Variants in EMC4 observed in about 807,000 individuals in gnomAD.
EMC4 encodes ER membrane protein complex subunit 4.
EMC4 carries 9 observed loss-of-function variants against 24.2 expected under a neutral mutation model. That is an observed-to-expected ratio of 0.37 (90% CI 0.22 to 0.65). The LOEUF is 0.65. EMC4 is among the 30% of genes least tolerant of loss of function. The pLI, the probability that EMC4 is intolerant of heterozygous loss-of-function variation, is 0.59. For missense variants in EMC4, 169 were observed against 234.6 expected, an observed-to-expected ratio of 0.72 and a Z score of 1.83; for synonymous variants, 86 against 81.1, an observed-to-expected ratio of 1.06 and a Z score of -0.32.
rs375566364 is a variant in EMC4 at position 34,228,421 on chromosome 15, C to T, written c.356-8C>T. On this transcript the variant is annotated splice_region_variant and splice_polypyrimidine_tract_variant and intron_variant, in intron 3 of 4. Coordinates refer to ENST00000267750, the MANE Select transcript of EMC4 (RefSeq NM_016454.4). ...CTTTTGGTTTGACAACTTCTGTTAC[C>T]GCAACAGCTTTCAAGATGTTAGAAA... is the stretch of plus-strand genomic sequence containing the variant. 2.4e-5 allele frequency: 39 copies of T among 1,611,766 alleles called. No individual in the cohort carries two copies. The highest frequency in any genetic ancestry group is 5.1e-5 in the Admixed American group (3 of 59,372).
chr15:34,225,246 G>T (rs1890619122), intron 1 of EMC4, 46 bp downstream of exon 1: 4 of 1,448,866 alleles, frequency 2.8e-6, no homozygotes, highest in Non-Finnish European at 3.7e-6. Flanking sequence ...TCCCAGAACT[G>T]CACCAGAGTA....
chr15:34,225,129 G>T lies in EMC4; in HGVS notation c.15G>T (p.Gly5=). ...CAGCTGTTGCCATGACGGCCCAGGG[G>T]GGCCTGGTGGCTAACCGAGGCCGGC... MTAQ[G]GLVANRGRRF... Residue 5 remains glycine, a synonymous_variant, in exon 1 of 5, where the codon GGG becomes GGT. Coordinates refer to ENST00000267750, the MANE Select transcript of EMC4 (RefSeq NM_016454.4). The T allele has an allele frequency of 6.4e-7, 1 of 1,551,698 alleles. No homozygotes were observed. The highest frequency in any genetic ancestry group is 2.4e-5 in the East Asian group (1 of 40,920).
Position 34,225,525 on chromosome 15 carries a change from T to G in EMC4, c.87-11T>G. On this transcript the variant is annotated splice_polypyrimidine_tract_variant and intron_variant, in intron 1 of 4. Transcript: ENST00000267750. ...AGGTTGCAGCTTTAGTTTCTTGGTT[T>G]GGTTTTTTAGGGGTCGAAGTGACCG... 1 of 1,607,516 alleles carries G rather than the reference T, an allele frequency of 6.2e-7. No individual in the cohort carries two copies. The highest frequency in any genetic ancestry group is 1.1e-5 in the South Asian group (1 of 90,980).
intron 3 of EMC4, 152 bp from the exon 4 acceptor site, chr15:34,228,277 G>GTGTA (rs1890704275): frequency 1.4e-6 from 1 of 708,234 alleles, no homozygotes; most frequent in Non-Finnish European, 2.4e-6. Flanking sequence ...ATGGAGGGGA[G>GTGTA]TGTAGTGCTT....
rs139134705 is a variant in EMC4, at chr15:34,225,140, C to G, written c.26C>G (p.Ala9Gly). 1.9e-6 allele frequency: 3 copies of G among 1,551,668 alleles called. No homozygotes were observed. Among genetic ancestry groups the G allele is most frequent in the African/African-American group, 2.7e-5 (2 of 73,176 alleles). Residue 9 changes from alanine to glycine, a missense_variant, in exon 1 of 5, where the codon GCT becomes GGT. Physicochemically the swap from Ala to Gly is moderately conservative, Grantham distance 60. Transcript: ENST00000267750. MTAQGGLV[A>G]NRGRRFKWAI... ...ATGACGGCCCAGGGGGGCCTGGTGG[C>G]TAACCGAGGCCGGCGCTTCAAGTGG...
rs1310251051 is a variant in EMC4 at position 34,225,097 on chromosome 15, T to C, written c.-18T>C. On this transcript the variant is annotated 5_prime_UTR_variant, in exon 1 of 5. Coordinates refer to ENST00000267750, the MANE Select transcript of EMC4 (RefSeq NM_016454.4). ...TTTGGACTGAGAAGCATCGAGGCTA[T>C]AGGACGCAGCTGTTGCCATGACGGC... is the stretch of plus-strand genomic sequence containing the variant. 4 of 1,549,388 alleles carry C rather than the reference T, an allele frequency of 2.6e-6. No homozygotes were observed. Among genetic ancestry groups the C allele is most frequent in the Non-Finnish European group, 3.5e-6 (4 of 1,144,894 alleles).
chr15:34,225,827 G>A (rs1291647856), intron 2 of EMC4, 177 bp downstream of exon 2: 6 of 671,670 alleles, frequency 8.9e-6, no homozygotes, highest in Admixed American at 2.1e-5. Context: ...TTAATAATTT[G>A]AAAAATAGAA....
In EMC4 at chr15:34,227,734, C is replaced by T. The variant is rs751596631; in HGVS notation, c.243C>T (p.Pro81=). The change falls in exon 3 of 5, where the codon CCC becomes CCT. Residue 81 remains proline (P), a synonymous_variant. Transcript: ENST00000267750. Reference sequence around the variant, plus strand: ...CCTTGGGTCCCCTCAAACAGATTCCCATGAATCTCTTCATCATGTACATGG... The same window carrying T: ...CCTTGGGTCCCCTCAAACAGATTCCTATGAATCTCTTCATCATGTACATGG... ...DIALGPLKQI[P]MNLFIMYMAG... The T allele has an allele frequency of 1.9e-6, 3 of 1,614,060 alleles. No individual in the cohort carries two copies. The highest frequency in any genetic ancestry group is 3.3e-5 in the Admixed American group (2 of 60,018).
Position 34,225,026 on chromosome 15 carries a change from A to C in EMC4, c.-89A>C, listed in dbSNP as rs1222732176. The C allele has an allele frequency of 1.8e-6, 2 of 1,097,290 alleles. No individual in the cohort carries two copies. Among genetic ancestry groups the C allele is most frequent in the Non-Finnish European group, 2.7e-6 (2 of 734,310 alleles). The allele number at this position is 1,097,290 out of a possible 1,614,324, so 68.0% of individuals were successfully genotyped here. A position where few individuals can be genotyped will look rare whatever the true frequency, so the allele number is the denominator to read the frequency against. On this transcript the variant is annotated 5_prime_UTR_variant, in exon 1 of 5. Transcript: ENST00000267750. ...TCACGCGCCGGAAGTGCATTTGCAG[A>C]GTGAGACAAAGCGGAGAACGCTGGT...
At position 34,225,061 on chromosome 15, in the gene EMC4, G is replaced by A. The variant is rs1486617171; in HGVS notation, c.-54G>A. The A allele has an allele frequency of 1.3e-5, 18 of 1,433,896 alleles. No individual in the cohort carries two copies. Among genetic ancestry groups the A allele is most frequent in the Non-Finnish European group, 1.7e-5 (18 of 1,039,486 alleles). The allele number at this position is 1,433,896 out of a possible 1,614,324, so 88.8% of individuals were successfully genotyped here. ...AGCGGAGAACGCTGGTGGGCCTGTT[G>A]TGGAGTACGCTTTGGACTGAGAAGC... On this transcript the variant is annotated 5_prime_UTR_variant, in exon 1 of 5. The change creates a new upstream start codon in the 5' untranslated region. Coordinates refer to ENST00000267750, the MANE Select transcript of EMC4 (RefSeq NM_016454.4).
In EMC4 at chr15:34,229,983, C is replaced by A; in HGVS notation, c.*195C>A. 1.6e-6 allele frequency: 1 copy of A among 619,122 alleles called. No individual in the cohort carries two copies. Among genetic ancestry groups the A allele is most frequent in the Admixed American group, 3.1e-5 (1 of 32,470 alleles). The allele number at this position is 619,122 out of a possible 1,614,324, so 38.4% of individuals were successfully genotyped here. A position where few individuals can be genotyped will look rare whatever the true frequency, so the allele number is the denominator to read the frequency against. The stretch of plus-strand genomic sequence containing the variant: ...TACGACAAACACAAAGAAACTATAC[C>A]ATAACCCAAGGCTGAAAATAATGTA... On this transcript the variant is annotated 3_prime_UTR_variant, in exon 5 of 5. Transcript: ENST00000267750.
chr15:34,227,587 A>G, intron 2 of EMC4, 106 bp from the exon 3 acceptor site: 1 of 1,251,736 alleles, frequency 8.0e-7, no homozygotes, highest in Non-Finnish European at 1.1e-6. Context: ...GCTCAGTTAG[A>G]AGCAGGGAGT....
rs138144365 is a variant in EMC4, at chr15:34,229,754, G to A, written c.518G>A (p.Arg173Lys). The A allele has an allele frequency of 3.8e-6, 6 of 1,564,788 alleles. No individual in the cohort carries two copies. In the African/African-American group the frequency reaches 8.2e-5, roughly 21 times the overall value. The change falls in exon 5 of 5, where the codon AGA (arginine) becomes AAA (lysine). Residue 173 changes from arginine (R) to lysine (K), a missense_variant and splice_region_variant. Arg to Lys is a conservative substitution (Grantham distance 26, BLOSUM62 2). Transcript: ENST00000267750. ...TTTATTCTTTCTTTCTTCTTTCAGA[G>A]AATGGAGTTCAGTGGTGGAGGACTG... ...DWLAFIEPPE[R>K]MEFSGGGLLL
At chr15:34,225,435 G>T in intron 1 of EMC4, 101 bp from the exon 2 acceptor site, 1 of 952,080 alleles carries the variant, frequency 1.1e-6, no homozygotes, top group Non-Finnish European at 1.7e-6. Context: ...AATCTGAGTA[G>T]GTGCATCTGA....
chr15:34,225,756 T>C (rs776440107), intron 2 of EMC4, 106 bp downstream of exon 2: 1 of 902,434 alleles, frequency 1.1e-6, no homozygotes. Context: ...TCCTGAAGAT[T>C]TGGAAACTAA....
Position 34,225,030 on chromosome 15 carries a change from A to T in EMC4, c.-85A>T. The T allele has an allele frequency of 2.6e-6, 3 of 1,145,664 alleles. No individual in the cohort carries two copies. The highest frequency in any genetic ancestry group is 1.3e-5 in the South Asian group (1 of 75,858). 71.0% of individuals were successfully genotyped at this position (1,145,664 alleles called of 1,614,324 possible). A position where few individuals can be genotyped will look rare whatever the true frequency, so the allele number is the denominator to read the frequency against. Reference sequence around the variant, plus strand: ...GCGCCGGAAGTGCATTTGCAGAGTGAGACAAAGCGGAGAACGCTGGTGGGC... The same window carrying T: ...GCGCCGGAAGTGCATTTGCAGAGTGTGACAAAGCGGAGAACGCTGGTGGGC... On this transcript the variant is annotated 5_prime_UTR_variant, in exon 1 of 5. Coordinates refer to ENST00000267750, the MANE Select transcript of EMC4 (RefSeq NM_016454.4).
rs1890703728 is a variant in EMC4, at chr15:34,228,261, G to A, written c.356-168G>A. 7 of 644,284 alleles carry A rather than the reference G, an allele frequency of 1.1e-5. No individual in the cohort carries two copies. In the East Asian group the frequency reaches 1.6e-4, roughly 15 times the overall value. The allele number at this position is 644,284 out of a possible 1,614,324, so 39.9% of individuals were successfully genotyped here. On this transcript the variant is annotated intron_variant, in intron 3 of 4. Coordinates refer to ENST00000267750, the MANE Select transcript of EMC4 (RefSeq NM_016454.4). ...GTATATAGGGGAGTGGGGTAATGGT[G>A]GTGGCATGGAGGGGAGTGTAGTGCT...
intron 2 of EMC4, chr15:34,226,050 C>T: frequency 2.9e-6 from 1 of 348,782 alleles, no homozygotes; most frequent in Non-Finnish European, 5.6e-6. Flanking sequence ...TCTGCAGTAG[C>T]CCGGCTAATT....
rs1890630292 is a variant in EMC4, at chr15:34,225,599, G to A, written c.150G>A (p.Lys50=). ...DSLYPVGYLD[K]QVPDTSVQET... is the part of the protein sequence containing the mutation. Reference sequence around the variant, plus strand: ...TCTACCCAGTCGGTTACTTGGACAAGCAAGTGCCTGATACCAGCGTGCAAG... The same window carrying A: ...TCTACCCAGTCGGTTACTTGGACAAACAAGTGCCTGATACCAGCGTGCAAG... Residue 50 remains lysine (K), a synonymous_variant, in exon 2 of 5, where the codon AAG becomes AAA. Coordinates refer to ENST00000267750, the MANE Select transcript of EMC4 (RefSeq NM_016454.4). The A allele has an allele frequency of 1.2e-6, 2 of 1,614,052 alleles. No homozygotes were observed. Among genetic ancestry groups the A allele is most frequent in the Non-Finnish European group, 8.5e-7 (1 of 1,180,024 alleles).
Sources: gnomAD v4.1 joint callset for allele counts on GRCh38, gnomAD v4.1.1 for gene constraint, MANE v1.5 for transcripts, NCBI Gene and HGNC (gene_info 2026-07-23, HGNC 2026-07-21) for gene names.